Variants in CAB39L observed in about 807,000 individuals in gnomAD.
CAB39L encodes calcium binding protein 39 like.
CAB39L carries 23 observed loss-of-function variants against 39.1 expected under a neutral mutation model. The observed-to-expected ratio is 0.59, with a 90% CI of 0.42 to 0.83. CAB39L has a LOEUF of 0.83. Among genes scored for constraint, CAB39L ranks in the 40% least tolerant of loss-of-function variants. The pLI is 0.00. For synonymous variants in CAB39L, 126 were observed against 137.2 expected (o/e 0.92, Z 0.57); for missense variants, 366 against 391.9 (o/e 0.93, Z 0.56).
intron 3 of CAB39L, among the ~76,000 whole-genome samples, chr13:49,423,925 T>C (rs900088954): frequency 1.3e-5 from 2 of 152,202 alleles, no homozygotes; most frequent in African/African-American, 4.8e-5. Flanking sequence ...ATAACTTCAA[T>C]GGCATTCTTA....
chr13:49,352,667 T>C (rs1955388526), intron 6 of CAB39L, among the ~76,000 whole-genome samples: 1 of 152,164 alleles, frequency 6.6e-6, no homozygotes, highest in South Asian at 2.1e-4. Context: ...GGCACACGCC[T>C]GTAGTCCCAG....
At chr13:49,348,510 A>G in intron 7 of CAB39L, among the ~76,000 whole-genome samples, 1 of 152,090 alleles carries the variant, frequency 6.6e-6, no homozygotes, top group South Asian at 2.1e-4. Context: ...TGAGGCTGCA[A>G]TGAGCTGAGA....
intron 5 of CAB39L, 28 bp from the exon 6 acceptor site, chr13:49,359,860 T>G (rs369627239): frequency 4.9e-6 from 6 of 1,224,188 alleles, no homozygotes; most frequent in Non-Finnish European, 7.3e-6. Flanking sequence ...AGAAATTAAA[T>G]TGTACACTCT....
chr13:49,431,957 A>C (rs914318740), intron 3 of CAB39L, among the ~76,000 whole-genome samples: 1 of 152,170 alleles, frequency 6.6e-6, no homozygotes. Flanking sequence ...AATAAAAAGG[A>C]ATAAACTATT....
chr13:49,325,073 T>C (rs952774520), intron 10 of CAB39L, among the ~76,000 whole-genome samples: 5 of 152,230 alleles, frequency 3.3e-5, no homozygotes, highest in African/African-American at 1.2e-4. Flanking sequence ...ATATACTTGT[T>C]TGATGATGTT....
chr13:49,406,333 AT>A lies in CAB39L; in HGVS notation c.-31-23393del, dbSNP rs34078174. Among the ~76,000 whole-genome samples, 441 of 90,604 alleles carry A rather than the reference AT, an allele frequency of 4.9e-3. 4 individuals are homozygous for A. Among genetic ancestry groups the A allele is most frequent in the South Asian group, 0.013 (40 of 3,006 alleles). 59.4% of individuals were successfully genotyped at this position (90,604 alleles called of 152,430 possible). ...CAGGCATCCGCCACCATGCCCAGCT[AT>A]TTTTTTTTTTTTTTTTTTTGTATTT... On this transcript the variant is annotated intron_variant, in intron 3 of 10. Transcript: ENST00000409308.
intron 8 of CAB39L, 96 bp from the exon 9 acceptor site, chr13:49,339,838 T>C: frequency 7.8e-7 from 1 of 1,282,988 alleles, no homozygotes. Flanking sequence ...AATTCCCAAC[T>C]TCTGGCCATT....
intron 10 of CAB39L, among the ~76,000 whole-genome samples, chr13:49,328,713 C>A (rs1268719165): frequency 1.3e-5 from 2 of 152,038 alleles, no homozygotes; most frequent in Non-Finnish European, 2.9e-5. Context: ...GGCAGGCCTA[C>A]AATCCCAGCT....
chr13:49,370,730 G>A (rs1024953348), intron 5 of CAB39L, among the ~76,000 whole-genome samples: 1 of 152,138 alleles, frequency 6.6e-6, no homozygotes, highest in Non-Finnish European at 1.5e-5. Flanking sequence ...TGTCTGGTAC[G>A]ATCAAACTAA....
chr13:49,418,242 A>G (rs771224363), intron 3 of CAB39L, among the ~76,000 whole-genome samples: 10 of 152,246 alleles, frequency 6.6e-5, no homozygotes, highest in Non-Finnish European at 1.3e-4. Context: ...ACATAATACA[A>G]TATGGGTGAA....
rs1954713941 is a variant in CAB39L at position 49,332,018 on chromosome 13, G to C, written c.763C>G (p.Leu255Val). ...CGAAGGAGGTTCATCATGAGTTTCA[G>C]GTTCTCCGGCTTGCTGATATACTTT... ...MTKYISKPEN[L>V]KLMMNLLRDK... is the part of the protein sequence containing the mutation. The change falls in exon 10 of 11, where the codon CTG becomes GTG. Residue 255 changes from leucine to valine, a missense_variant. By Grantham distance (32) the Leu-to-Val change is conservative (BLOSUM62 1). Transcript: ENST00000409308. 1 of 1,614,016 alleles carries C rather than the reference G, an allele frequency of 6.2e-7. No homozygotes were observed. The highest frequency in any genetic ancestry group is 1.3e-5 in the African/African-American group (1 of 74,932).
At chr13:49,346,462 T>C (rs1955181202) in intron 7 of CAB39L, among the ~76,000 whole-genome samples, 1 of 152,032 alleles carries the variant, frequency 6.6e-6, no homozygotes, top group Admixed American at 6.6e-5. Flanking sequence ...TTAATTCAAA[T>C]AGTGTACTCT....
chr13:49,312,829 G>T (rs575301359), intron 10 of CAB39L, among the ~76,000 whole-genome samples: 6 of 151,948 alleles, frequency 3.9e-5, no homozygotes, highest in Admixed American at 3.9e-4. Context: ...TCCAGTATAC[G>T]TACCTCACAA....
At chr13:49,438,117 A>G (rs1957445591) in intron 1 of CAB39L, among the ~76,000 whole-genome samples, 1 of 152,126 alleles carries the variant, frequency 6.6e-6, no homozygotes, top group Non-Finnish European at 1.5e-5. Flanking sequence ...GATTACAGGC[A>G]TTAGCCACCG....
chr13:49,389,130 T>C (rs934333035), intron 3 of CAB39L, among the ~76,000 whole-genome samples: 2 of 152,114 alleles, frequency 1.3e-5, no homozygotes, highest in Non-Finnish European at 2.9e-5. Flanking sequence ...GGAAGGTGAA[T>C]TAGAACAGCC....
At position 49,374,654 on chromosome 13, in the gene CAB39L, T is replaced by C. The variant is rs549905630; in HGVS notation, c.276+2313A>G. On this transcript the variant is annotated intron_variant, in intron 5 of 10. Coordinates refer to ENST00000409308, the MANE Select transcript of CAB39L (RefSeq NM_001079670.3). The stretch of plus-strand genomic sequence containing the variant: ...TCTGAGCCAATGCCAAAGAAAGTTA[T>C]AAGGCACCCAAAGTTTTTCTTTGGT... Among the ~76,000 whole-genome samples, 27 of 152,354 alleles carry C rather than the reference T, an allele frequency of 1.8e-4. No homozygotes were observed. In the South Asian group the frequency reaches 5.6e-3, roughly 32 times the overall value.
At chr13:49,317,558 T>C (rs1954194574) in intron 10 of CAB39L, among the ~76,000 whole-genome samples, 1 of 151,780 alleles carries the variant, frequency 6.6e-6, no homozygotes, top group Non-Finnish European at 1.5e-5. Context: ...CAAAAAACAC[T>C]CAATATAGGA....
At chr13:49,418,986 T>C (rs974963431) in intron 3 of CAB39L, among the ~76,000 whole-genome samples, 1 of 152,206 alleles carries the variant, frequency 6.6e-6, no homozygotes, top group Non-Finnish European at 1.5e-5. Flanking sequence ...TTTTGTTTTT[T>C]GAGATGGAGT....
At chr13:49,420,090 G>A (rs1300510519) in intron 3 of CAB39L, among the ~76,000 whole-genome samples, 2 of 152,140 alleles carry the variant, frequency 1.3e-5, no homozygotes, top group Non-Finnish European at 2.9e-5. Flanking sequence ...CAAGTTTAAG[G>A]AAGTTGCAGA....
Sources: gnomAD v4.1 joint callset for allele counts (sites outside exome capture counted in the v4.1 genomes callset) on GRCh38, gnomAD v4.1.1 for gene constraint, MANE v1.5 for transcripts, NCBI Gene and HGNC (gene_info 2026-07-23, HGNC 2026-07-21) for gene names.